Variants in KCNN2 observed in about 807,000 individuals in gnomAD.
KCNN2 encodes the protein small conductance calcium-activated potassium channel protein 2.
Under a neutral mutation model 55.5 loss-of-function variants are expected in KCNN2, and 24 were observed. The observed-to-expected ratio is 0.43, with a 90% confidence interval of 0.31 to 0.61. KCNN2 has a LOEUF of 0.61. Ranked by LOEUF, KCNN2 falls within the 20% of genes least tolerant of loss-of-function variation. The pLI is 0.08. For missense variants in KCNN2, 754 were observed against 853.6 expected, an observed-to-expected ratio of 0.88 and a Z score of 1.45; for synonymous variants, 431 against 336.1, an observed-to-expected ratio of 1.28 and a Z score of -3.09.
At chr5:114,143,961 A>C (rs1328289824) in intron 1 of KCNN2, among the ~76,000 whole-genome samples, 1 of 152,198 alleles carries the variant, frequency 6.6e-6, no homozygotes, top group Non-Finnish European at 1.5e-5. Context: ...TACACGAACA[A>C]AATTAACGAT....
intron 1 of KCNN2, among the ~76,000 whole-genome samples, chr5:114,069,879 C>G (rs563380299): frequency 6.6e-6 from 1 of 152,280 alleles, no homozygotes; most frequent in South Asian, 2.1e-4. Context: ...CATGTCCCAG[C>G]TGTTGATGGG....
At chr5:114,283,314 G>A (rs868069675) in intron 2 of KCNN2, among the ~76,000 whole-genome samples, 3 of 151,834 alleles carry the variant, frequency 2.0e-5, no homozygotes, top group Non-Finnish European at 2.9e-5. Context: ...TCTCTTGACC[G>A]GTGTTAAACC....
intron 1 of KCNN2, among the ~76,000 whole-genome samples, chr5:114,175,896 G>T (rs1195534481): frequency 1.3e-5 from 2 of 152,134 alleles, no homozygotes; most frequent in African/African-American, 4.8e-5. Context: ...GAAATGACTT[G>T]CAAGCTTTAT....
intron 1 of KCNN2, among the ~76,000 whole-genome samples, chr5:114,072,478 AT>A: frequency 6.6e-6 from 1 of 152,262 alleles, no homozygotes; most frequent in East Asian, 1.9e-4. Flanking sequence ...AATAGACGTT[AT>A]TAGCATATAA....
rs186642389 is a variant in KCNN2, at chr5:114,168,067, C to A, written c.-270-53413C>A. Reference sequence around the variant, plus strand: ...ATAGCTAGTTTCTGATTTATATTCACTTGTTGATGGGCTTTTGTGTTGTTT... The same window carrying A: ...ATAGCTAGTTTCTGATTTATATTCAATTGTTGATGGGCTTTTGTGTTGTTT... On this transcript the variant is annotated intron_variant, in intron 1 of 10. Coordinates refer to the KCNN2 transcript ENST00000512097. Among the ~76,000 whole-genome samples, 4 of 151,910 alleles carry A rather than the reference C, an allele frequency of 2.6e-5. No individual in the cohort carries two copies. In the East Asian group the frequency reaches 7.8e-4, roughly 29 times the overall value.
At chr5:114,165,023 C>T (rs1026277307) in intron 1 of KCNN2, among the ~76,000 whole-genome samples, 4 of 152,188 alleles carry the variant, frequency 2.6e-5, no homozygotes, top group African/African-American at 9.6e-5. Flanking sequence ...GTAACAGTAA[C>T]TTGCCTAAAG....
chr5:114,371,940 A>G (rs1276316217), intron 2 of KCNN2, among the ~76,000 whole-genome samples: 1 of 152,154 alleles, frequency 6.6e-6, no homozygotes, highest in Non-Finnish European at 1.5e-5. Flanking sequence ...CTTCACAGAA[A>G]TTTGCCCAGT....
chr5:114,163,242 A>G (rs2112534027), intron 1 of KCNN2, among the ~76,000 whole-genome samples: 1 of 152,168 alleles, frequency 6.6e-6, no homozygotes, highest in South Asian at 2.1e-4. Flanking sequence ...GCAAACAGGG[A>G]TAGTTTGACT....
At chr5:114,383,037 G>A (rs1041462671) in intron 2 of KCNN2, among the ~76,000 whole-genome samples, 18 of 152,138 alleles carry the variant, frequency 1.2e-4, no homozygotes, top group Admixed American at 1.1e-3. Context: ...TCAATCTAAA[G>A]CCTCAAGGGA....
At chr5:114,184,980 T>A (rs1753302428) in intron 1 of KCNN2, among the ~76,000 whole-genome samples, 1 of 152,246 alleles carries the variant, frequency 6.6e-6, no homozygotes. Context: ...TAGCCATAAA[T>A]CTACACAATT....
chr5:114,212,306 G>T (rs1344109202), intron 1 of KCNN2, among the ~76,000 whole-genome samples: 1 of 152,010 alleles, frequency 6.6e-6, no homozygotes, highest in African/African-American at 2.4e-5. Context: ...GGATTGCATG[G>T]TGCATAATTC....
In KCNN2 at chr5:114,238,805, T is replaced by G. The variant is rs1754561757; in HGVS notation, c.-185+17240T>G. On this transcript the variant is annotated intron_variant, in intron 2 of 10. Transcript: ENST00000512097. ...CTATCTCTTTTAACATAGATCAAAA[T>G]GCAAAGGCCCTTTTCTCATGAAGCA... Among the ~76,000 whole-genome samples the G allele has an allele frequency of 2.6e-5, 4 of 152,160 alleles. No individual in the cohort carries two copies. In the South Asian group the frequency reaches 8.3e-4, roughly 31 times the overall value.
At chr5:114,423,007 C>G (rs1759514697) in intron 3 of KCNN2, among the ~76,000 whole-genome samples, 1 of 152,238 alleles carries the variant, frequency 6.6e-6, no homozygotes, top group Non-Finnish European at 1.5e-5. Context: ...ATCCACATCT[C>G]CCAGCACATA....
chr5:114,161,947 G>C (rs966144171), intron 1 of KCNN2, among the ~76,000 whole-genome samples: 10 of 152,160 alleles, frequency 6.6e-5, no homozygotes, highest in African/African-American at 2.2e-4. Flanking sequence ...ATTGGTTCAA[G>C]CTTCCTCCTT....
Position 114,386,075 on chromosome 5 carries a change from G to A in KCNN2, c.1219-18363G>A, listed in dbSNP as rs370298903. ...CAGGCACTTGTAGTCCCAGCTACTC[G>A]GGAGGCTGAGGCAGAAGAATGGCGT... On this transcript the variant is annotated intron_variant, in intron 2 of 7. Coordinates refer to ENST00000673685, the MANE Select transcript of KCNN2 (RefSeq NM_021614.4). Among the ~76,000 whole-genome samples the A allele has an allele frequency of 4.6e-5, 7 of 151,726 alleles. No homozygotes were observed. In the East Asian group the frequency reaches 1.2e-3, roughly 25 times the overall value.
intron 1 of KCNN2, among the ~76,000 whole-genome samples, chr5:114,094,826 T>G (rs1363585752): frequency 6.6e-6 from 1 of 152,152 alleles, no homozygotes; most frequent in East Asian, 1.9e-4. Context: ...GCTTGGAAAC[T>G]TAGGGTCCTC....
At chr5:114,332,619 C>T (rs1756845457) in intron 2 of KCNN2, among the ~76,000 whole-genome samples, 1 of 152,164 alleles carries the variant, frequency 6.6e-6, no homozygotes, top group African/African-American at 2.4e-5. Context: ...TCTGGCCACC[C>T]TGCAGTTACA....
chr5:114,116,127 A>G (rs1251147636), intron 1 of KCNN2, among the ~76,000 whole-genome samples: 2 of 152,092 alleles, frequency 1.3e-5, no homozygotes, highest in Non-Finnish European at 2.9e-5. Flanking sequence ...GTGAAGTGGT[A>G]GTGGAATGCT....
intron 1 of KCNN2, among the ~76,000 whole-genome samples, chr5:114,117,265 G>C (rs1230272485): frequency 6.6e-6 from 1 of 152,118 alleles, no homozygotes; most frequent in African/African-American, 2.4e-5. Flanking sequence ...TCTGAGAACC[G>C]CAGTAGCTTT....
Sources: gnomAD v4.1 joint callset for allele counts (sites outside exome capture counted in the v4.1 genomes callset) on GRCh38, gnomAD v4.1.1 for gene constraint, MANE v1.5 for transcripts, NCBI Gene and HGNC (gene_info 2026-07-23, HGNC 2026-07-21) for gene names.